The following PPIL3 variants were observed in gnomAD, a reference collection of about 807,000 sequenced individuals.
PPIL3 encodes the protein peptidylprolyl isomerase like 3, also known as peptidyl-prolyl cis-trans isomerase-like 3.
A neutral mutation model predicts 20.9 loss-of-function variants in PPIL3; 13 were observed. The observed-to-expected ratio is 0.62, with a 90% confidence interval of 0.40 to 0.99. PPIL3 has a LOEUF of 0.99. Ranked by LOEUF, PPIL3 falls within the 50% of genes least tolerant of loss-of-function variation. The pLI is 0.00. For synonymous variants in PPIL3, 71 were observed against 64.4 expected (o/e 1.10, Z -0.49); for missense variants, 170 against 195.2 (o/e 0.87, Z 0.77).
At chr2:200,889,221 C>G, upstream of PPIL3, 1 of 360,104 alleles carries the variant, frequency 2.8e-6, no homozygotes, top group Non-Finnish European at 5.5e-6. Flanking sequence ...TGCACTGGGA[C>G]AAGAAGTGTA....
chr2:200,877,184 C>A, intron 5 of PPIL3, 147 bp from the exon 6 acceptor site: 1 of 605,802 alleles, frequency 1.7e-6, no homozygotes, highest in Non-Finnish European at 2.9e-6. Context: ...TGGTCTCTAA[C>A]TCCTAGGCTC....
At chr2:200,887,845 T>TCA (rs1288786921) in intron 1 of PPIL3, among the ~76,000 whole-genome samples, 160 bp from the exon 2 acceptor site, 1 of 151,956 alleles carries the variant, frequency 6.6e-6, no homozygotes, top group Non-Finnish European at 1.5e-5. Flanking sequence ...TCACTTGAGG[T>TCA]CAGGAGTTCG....
intron 6 of PPIL3, 63 bp downstream of exon 6, chr2:200,876,856 C>G: frequency 8.4e-7 from 1 of 1,187,530 alleles, no homozygotes; most frequent in South Asian, 1.2e-5. Context: ...GCTACTGTCA[C>G]AGCTAAGCAT....
intron 6 of PPIL3, among the ~76,000 whole-genome samples, chr2:200,874,384 A>G (rs2039436187): frequency 6.6e-6 from 1 of 152,078 alleles, no homozygotes; most frequent in African/African-American, 2.4e-5. Flanking sequence ...GGAGGTAGAA[A>G]ACATAGGTCT....
chr2:200,883,708 T>C (rs1432968653), intron 3 of PPIL3, among the ~76,000 whole-genome samples: 1 of 152,238 alleles, frequency 6.6e-6, no homozygotes, highest in Non-Finnish European at 1.5e-5. Context: ...GGAATGTCTG[T>C]TGCTCATCAC....
intron 3 of PPIL3, 62 bp from the exon 4 acceptor site, chr2:200,882,497 A>T (rs1443005960): frequency 9.9e-7 from 1 of 1,008,846 alleles, no homozygotes; most frequent in African/African-American, 1.6e-5. Context: ...ACAAAAAACC[A>T]ATCATATTTA....
In PPIL3 at chr2:200,871,269, T is replaced by G. The variant is rs1327415657; in HGVS notation, c.*126A>C. On this transcript the variant is annotated 3_prime_UTR_variant, in exon 7 of 7. Coordinates refer to ENST00000392283, the MANE Select transcript of PPIL3 (RefSeq NM_130906.3). ...GTTGGGCGCCCCTTGGTACCACCAT[T>G]TCATAGAAGATCATAGTTGTAAACA... is the stretch of plus-strand genomic sequence containing the variant. 9.7e-7 allele frequency: 1 copy of G among 1,029,368 alleles called. No homozygotes were observed. Among genetic ancestry groups the G allele is most frequent in the East Asian group, 2.5e-5 (1 of 39,436 alleles). 63.8% of individuals were successfully genotyped at this position (1,029,368 alleles called of 1,614,324 possible).
At chr2:200,886,025 T>G (rs2039926842) in intron 2 of PPIL3, among the ~76,000 whole-genome samples, 1 of 152,206 alleles carries the variant, frequency 6.6e-6, no homozygotes, top group Admixed American at 6.5e-5. Context: ...GACAAAAATT[T>G]GGAAGTAAAT....
At chr2:200,889,113 C>T (rs1245969334), upstream of PPIL3, 1 of 463,008 alleles carries the variant, frequency 2.2e-6, no homozygotes. Context: ...TACCGCCTCA[C>T]CTCCTTCCTC....
chr2:200,880,401 TGAGTA>T (rs904445683), intron 5 of PPIL3, among the ~76,000 whole-genome samples: 1 of 143,556 alleles, frequency 7.0e-6, no homozygotes. Context: ...ATATTTTGAT[TGAGTA>T]GACTTTTTTT....
At chr2:200,876,271 C>T (rs1368699470) in intron 6 of PPIL3, among the ~76,000 whole-genome samples, 1 of 151,298 alleles carries the variant, frequency 6.6e-6, no homozygotes, top group Non-Finnish European at 1.5e-5. Context: ...GACTGTGCTA[C>T]TGCACCATAC....
intron 5 of PPIL3, among the ~76,000 whole-genome samples, chr2:200,880,064 T>TA (rs2039666399): frequency 6.6e-6 from 1 of 152,100 alleles, no homozygotes; most frequent in East Asian, 1.9e-4. Flanking sequence ...TTGGGCAACA[T>TA]AGTGAGACAC....
rs948200292 is a variant in PPIL3, at chr2:200,871,031, T to G, written c.*364A>C. 1 of 158,562 alleles carries G rather than the reference T, an allele frequency of 6.3e-6. No homozygotes were observed. The highest frequency in any genetic ancestry group is 6.3e-5 in the Admixed American group (1 of 15,962). 9.8% of individuals were successfully genotyped at this position (158,562 alleles called of 1,614,324 possible). A position where few individuals can be genotyped will look rare whatever the true frequency, so the allele number is the denominator to read the frequency against. On this transcript the variant is annotated 3_prime_UTR_variant, in exon 7 of 7. Coordinates refer to ENST00000392283, the MANE Select transcript of PPIL3 (RefSeq NM_130906.3). ...TAATTCTTTAAAACTTTTTAAATTT[T>G]ATTATAAAATAACACTTCCAGGATA...
chr2:200,872,326 C>T (rs1010833105), intron 6 of PPIL3, among the ~76,000 whole-genome samples: 3 of 152,084 alleles, frequency 2.0e-5, no homozygotes, highest in Non-Finnish European at 2.9e-5. Context: ...ATGCTCTTCT[C>T]GGGGTGTGTT....
intron 5 of PPIL3, among the ~76,000 whole-genome samples, chr2:200,878,913 A>T (rs1393408105): frequency 6.6e-6 from 1 of 152,244 alleles, no homozygotes; most frequent in South Asian, 2.1e-4. Flanking sequence ...CAATCTACAT[A>T]GTGATTCATC....
Position 200,882,348 on chromosome 2 carries a change from G to T in PPIL3, c.166C>A (p.Pro56Thr). Residue 56 changes from proline to threonine, a missense_variant, in exon 4 of 7, where the codon CCA (proline) becomes ACA (threonine). Pro to Thr is a conservative substitution (Grantham distance 38). Transcript: ENST00000392283. ...GGTTAATGGAATAACTTACCTGTTG[G>T]ATCTCCTGTTTGAACCATGAAACCC... ...IKGFMVQTGD[P>T]TGTGRGGNSI... The T allele has an allele frequency of 6.3e-7, 1 of 1,576,968 alleles. No homozygotes were observed. Among genetic ancestry groups the T allele is most frequent in the Non-Finnish European group, 8.7e-7 (1 of 1,146,344 alleles).
In PPIL3 at chr2:200,871,236, T is replaced by TA. The variant is rs1322171072; in HGVS notation, c.*158dup. ...AAAGAATATGCTCTAAGAATGGGGA[T>TA]AAAAGCTGTTGGGCGCCCCTTGGTA... On this transcript the variant is annotated 3_prime_UTR_variant, in exon 7 of 7. Transcript: ENST00000392283. The TA allele has an allele frequency of 1.2e-5, 7 of 568,744 alleles. No individual in the cohort carries two copies. Among genetic ancestry groups the TA allele is most frequent in the Non-Finnish European group, 2.1e-5 (7 of 337,298 alleles). The allele number at this position is 568,744 out of a possible 1,614,324, so 35.2% of individuals were successfully genotyped here.
rs550552146 is a variant in PPIL3, at chr2:200,885,240, G to A, written c.78+458C>T. 441 of 285,146 alleles carry A rather than the reference G, an allele frequency of 1.5e-3. 3 individuals are homozygous for A. Among genetic ancestry groups the A allele is most frequent in the South Asian group, 6.5e-4 (4 of 6,190 alleles). The allele number at this position is 285,146 out of a possible 1,614,324, so 17.7% of individuals were successfully genotyped here. On this transcript the variant is annotated intron_variant, in intron 3 of 6. Coordinates refer to ENST00000392283, the MANE Select transcript of PPIL3 (RefSeq NM_130906.3). ...ACAAAAATTAGCCAGGCATGGTGGC[G>A]CACGCCTGTAATCCCACTTACTCGG...
intron 2 of PPIL3, among the ~76,000 whole-genome samples, chr2:200,887,180 T>C (rs1157510820): frequency 6.6e-6 from 1 of 151,782 alleles, no homozygotes; most frequent in East Asian, 1.9e-4. Flanking sequence ...AGGTCAGGAG[T>C]TCGAGACCAG....
Sources: allele counts gnomAD v4.1 joint callset (sites outside exome capture counted in the v4.1 genomes callset), GRCh38; gene constraint gnomAD v4.1.1; transcripts MANE v1.5; gene names NCBI Gene and HGNC (gene_info 2026-07-23, HGNC 2026-07-21).